MICU3: variants seen among roughly 807,000 people sequenced by gnomAD.
MICU3 encodes the protein mitochondrial calcium uptake 3.
In MICU3, 62 loss-of-function variants were observed where a neutral mutation model predicts 66.5. The observed-to-expected ratio is 0.93, with a 90% CI of 0.76 to 1.15. MICU3 has a LOEUF of 1.15. Among genes scored for constraint, MICU3 ranks in the 50% most tolerant of loss-of-function variants. The pLI is 0.00. For missense variants in MICU3, 779 were observed against 664.4 expected (o/e 1.17, Z -1.90); for synonymous variants, 308 against 240.7 (o/e 1.28, Z -2.59).
At chr8:17,115,387 C>T (rs1563399097) in intron 12 of MICU3, among the ~76,000 whole-genome samples, 2 of 152,188 alleles carry the variant, frequency 1.3e-5, no homozygotes, top group African/African-American at 2.4e-5. Context: ...TCTGCCTCTA[C>T]AGACTAGCCA....
intron 1 of MICU3, among the ~76,000 whole-genome samples, chr8:17,041,210 C>G (rs999664128): frequency 6.6e-6 from 1 of 150,458 alleles, no homozygotes; most frequent in East Asian, 2.0e-4. Context: ...GCATCCATTA[C>G]TTAAAGGACC....
chr8:17,081,797 T>C (rs1238050115), intron 5 of MICU3, 57 bp downstream of exon 5: 1 of 777,796 alleles, frequency 1.3e-6, no homozygotes. Context: ...AAACGAATCT[T>C]GGAAAGCAGA....
intron 8 of MICU3, among the ~76,000 whole-genome samples, chr8:17,090,932 G>A (rs1411214986): frequency 2.0e-5 from 3 of 152,072 alleles, no homozygotes; most frequent in Non-Finnish European, 4.4e-5. Context: ...CAGAACACAG[G>A]TATTTTATGA....
the MICU3 span, among the ~76,000 whole-genome samples, chr8:17,133,514 A>G: frequency 1.3e-5 from 2 of 151,944 alleles, no homozygotes; most frequent in Non-Finnish European, 2.9e-5. Flanking sequence ...TATCTCAAAG[A>G]TTTTCATTTT....
chr8:17,047,520 G>C (rs1203630306), intron 1 of MICU3, among the ~76,000 whole-genome samples: 1 of 152,080 alleles, frequency 6.6e-6, no homozygotes, highest in Non-Finnish European at 1.5e-5. Flanking sequence ...TCCTGAGCAA[G>C]ATCAATAAAA....
At chr8:17,131,956 A>G in the MICU3 span, 11 of 152,174 alleles carry the variant, frequency 7.2e-5, no homozygotes, top group African/African-American at 2.4e-4. Flanking sequence ...CACTGTCCAT[A>G]TATACCTTCT....
At chr8:17,062,558 G>A (rs1365781811) in intron 1 of MICU3, among the ~76,000 whole-genome samples, 3 of 152,128 alleles carry the variant, frequency 2.0e-5, no homozygotes, top group African/African-American at 7.2e-5. Context: ...AAATAAAGTA[G>A]TATTCTTGCC....
At chr8:17,102,365 T>C (rs1342224030) in intron 9 of MICU3, 1 of 151,998 alleles carries the variant, frequency 6.6e-6, no homozygotes, top group Admixed American at 6.6e-5. Context: ...AGAGTGCCTA[T>C]AATTAATACC....
At chr8:17,071,441 A>G (rs1819570443) in intron 3 of MICU3, among the ~76,000 whole-genome samples, 1 of 152,112 alleles carries the variant, frequency 6.6e-6, no homozygotes, top group Non-Finnish European at 1.5e-5. Flanking sequence ...CGTCAGTCAT[A>G]TTGGATTAGG....
chr8:17,087,237 G>C (rs1480025517), intron 7 of MICU3, among the ~76,000 whole-genome samples: 2 of 151,814 alleles, frequency 1.3e-5, no homozygotes, highest in Non-Finnish European at 2.9e-5. Context: ...TTAAACATTT[G>C]TATCCATAAT....
At chr8:17,132,058 C>T in the MICU3 span, 33 of 152,296 alleles carry the variant, frequency 2.2e-4, no homozygotes, top group African/African-American at 7.9e-4. Context: ...ACAATCATTG[C>T]ATACAGTGCT....
intron 1 of MICU3, among the ~76,000 whole-genome samples, chr8:17,061,404 C>G (rs763810732): frequency 6.6e-6 from 1 of 151,746 alleles, no homozygotes; most frequent in Non-Finnish European, 1.5e-5. Flanking sequence ...AAACAGGCAT[C>G]TCAGGAGGTA....
the MICU3 span, chr8:17,131,326 G>A: frequency 6.6e-6 from 1 of 152,238 alleles, no homozygotes; most frequent in African/African-American, 2.4e-5. Flanking sequence ...TCACTGGATA[G>A]TGGAGAAGTC....
chr8:17,114,245 C>T, intron 12 of MICU3, 44 bp downstream of exon 12: 3 of 1,247,386 alleles, frequency 2.4e-6, no homozygotes, highest in Admixed American at 2.0e-5. Context: ...AGTAATACTA[C>T]ATTGTTTCTA....
intron 2 of MICU3, among the ~76,000 whole-genome samples, chr8:17,067,852 A>G (rs1818956223): frequency 6.6e-6 from 1 of 152,174 alleles, no homozygotes; most frequent in Non-Finnish European, 1.5e-5. Context: ...GATGACATTC[A>G]ACAGGGAAAA....
intron 1 of MICU3, among the ~76,000 whole-genome samples, chr8:17,028,201 GA>G (rs1401215114): frequency 6.6e-6 from 1 of 152,170 alleles, no homozygotes; most frequent in East Asian, 1.9e-4. Flanking sequence ...TACCAGGTCT[GA>G]AAAGAAATAA....
intron 11 of MICU3, among the ~76,000 whole-genome samples, chr8:17,113,508 A>G (rs1802398184): frequency 6.6e-6 from 1 of 152,192 alleles, no homozygotes; most frequent in Admixed American, 6.5e-5. Context: ...CCCAGTGTGG[A>G]GGCACCCAGA....
chr8:17,074,170 G>A (rs936465220), intron 3 of MICU3, among the ~76,000 whole-genome samples: 1 of 151,908 alleles, frequency 6.6e-6, no homozygotes, highest in Non-Finnish European at 1.5e-5. Flanking sequence ...ACAGGTGTGA[G>A]CTGCCGTGCC....
At chr8:17,130,824 A>G in the MICU3 span, among the ~76,000 whole-genome samples, 1 of 152,378 alleles carries the variant, frequency 6.6e-6, no homozygotes, top group South Asian at 2.1e-4. Flanking sequence ...GTGATTACAT[A>G]AATTCAACCA....
Sources: allele counts gnomAD v4.1 joint callset (sites outside exome capture counted in the v4.1 genomes callset), GRCh38; gene constraint gnomAD v4.1.1; transcripts MANE v1.5; gene names NCBI Gene and HGNC (gene_info 2026-07-23, HGNC 2026-07-21).